SYN3: variants seen among roughly 807,000 people sequenced by gnomAD.
SYN3 encodes synapsin III, also known as synapsin-3.
In SYN3, 35 loss-of-function variants were observed where a neutral mutation model predicts 65.8. That is an observed-to-expected ratio of 0.53 (90% confidence interval 0.41 to 0.70). The LOEUF is 0.70. SYN3 is among the 30% of genes least tolerant of loss of function. The pLI is 0.00. For missense variants in SYN3, 680 were observed against 749.0 expected, an observed-to-expected ratio of 0.91 and a Z score of 1.08; for synonymous variants, 270 against 292.9, an observed-to-expected ratio of 0.92 and a Z score of 0.80.
intron 6 of SYN3, among the ~76,000 whole-genome samples, chr22:32,628,706 C>T (rs2059704573): frequency 6.6e-6 from 1 of 151,984 alleles, no homozygotes; most frequent in Non-Finnish European, 1.5e-5. Flanking sequence ...TGAGATCATG[C>T]CATCGCACTC....
chr22:32,586,056 A>G (rs1442902288), intron 7 of SYN3, among the ~76,000 whole-genome samples: 1 of 137,532 alleles, frequency 7.3e-6, no homozygotes, highest in African/African-American at 2.6e-5. Flanking sequence ...ATATATGTGT[A>G]TATGTATATA....
chr22:32,518,034 A>G lies in SYN3; in HGVS notation c.1610+9T>C. ...ATCCTATACCTTTTCCAATTCCCAA[A>G]GCACTTACTTGAGATGCGGATGGGG... On this transcript the variant is annotated intron_variant, in intron 13 of 13. Coordinates refer to ENST00000358763, the MANE Select transcript of SYN3 (RefSeq NM_003490.4). The G allele has an allele frequency of 6.6e-7, 1 of 1,511,804 alleles. No individual in the cohort carries two copies. The highest frequency in any genetic ancestry group is 8.8e-7 in the Non-Finnish European group (1 of 1,132,220). 93.6% of individuals were successfully genotyped at this position (1,511,804 alleles called of 1,614,324 possible). A position where few individuals can be genotyped will look rare whatever the true frequency, so the allele number is the denominator to read the frequency against.
At chr22:32,792,528 C>T (rs1180564239) in intron 6 of SYN3, among the ~76,000 whole-genome samples, 2 of 152,126 alleles carry the variant, frequency 1.3e-5, no homozygotes, top group Non-Finnish European at 2.9e-5. Flanking sequence ...GAGTATGCCA[C>T]CAGCTTGCCT....
chr22:32,528,651 A>G (rs1301903505), intron 11 of SYN3, among the ~76,000 whole-genome samples: 1 of 152,198 alleles, frequency 6.6e-6, no homozygotes, highest in Non-Finnish European at 1.5e-5. Context: ...TCTCCCCAGG[A>G]TGGTGAAGAA....
intron 3 of SYN3, among the ~76,000 whole-genome samples, chr22:32,946,653 C>T (rs532816367): frequency 2.6e-5 from 4 of 152,112 alleles, no homozygotes; most frequent in Non-Finnish European, 4.4e-5. Context: ...AACAAACCTG[C>T]ACGTTTTGCA....
At chr22:32,704,472 C>A (rs2060852806) in intron 6 of SYN3, among the ~76,000 whole-genome samples, 1 of 152,100 alleles carries the variant, frequency 6.6e-6, no homozygotes, top group South Asian at 2.1e-4. Flanking sequence ...CACTGATGGG[C>A]ATTTAGGTTG....
intron 7 of SYN3, among the ~76,000 whole-genome samples, chr22:32,579,936 G>A (rs1235811891): frequency 6.6e-6 from 1 of 152,244 alleles, no homozygotes; most frequent in African/African-American, 2.4e-5. Flanking sequence ...GAGTTACAGT[G>A]TGACCGTGAA....
chr22:32,622,781 G>A (rs1057473026), intron 6 of SYN3, among the ~76,000 whole-genome samples: 35 of 151,256 alleles, frequency 2.3e-4, no homozygotes, highest in Non-Finnish European at 4.6e-4. Context: ...GATTTTTGCA[G>A]GGAGAGGCTT....
At chr22:32,590,240 A>C (rs1007641417) in intron 7 of SYN3, among the ~76,000 whole-genome samples, 1 of 152,224 alleles carries the variant, frequency 6.6e-6, no homozygotes, top group African/African-American at 2.4e-5. Context: ...TATGTATATG[A>C]GTTAATGCTA....
rs187351998 is a variant in SYN3 at position 32,508,011 on chromosome 22, C to A, written c.*5681G>T. Among the ~76,000 whole-genome samples, 2 of 152,030 alleles carry A rather than the reference C, an allele frequency of 1.3e-5. No individual in the cohort carries two copies. Among genetic ancestry groups the A allele is most frequent in the African/African-American group, 4.8e-5 (2 of 41,374 alleles). Reference sequence around the variant, plus strand: ...CATACCACCCCCCAAAAATTTTCGTCGCCCCAACACTTCAACACTATTTTG... The same window carrying A: ...CATACCACCCCCCAAAAATTTTCGTAGCCCCAACACTTCAACACTATTTTG... On this transcript the variant is annotated 3_prime_UTR_variant, in exon 14 of 14. Transcript: ENST00000358763.
intron 1 of SYN3, among the ~76,000 whole-genome samples, chr22:33,022,766 A>G (rs2053581274): frequency 6.6e-6 from 1 of 152,074 alleles, no homozygotes; most frequent in East Asian, 1.9e-4. Flanking sequence ...ATTTGCAACC[A>G]CTCCCACAAA....
intron 6 of SYN3, among the ~76,000 whole-genome samples, chr22:32,672,108 C>T (rs1483982735): frequency 2.6e-5 from 4 of 152,174 alleles, no homozygotes; most frequent in Admixed American, 1.3e-4. Context: ...GCTCTTCCTC[C>T]CCCATCCATC....
intron 6 of SYN3, among the ~76,000 whole-genome samples, chr22:32,625,001 A>G (rs1319498858): frequency 2.0e-5 from 3 of 152,248 alleles, no homozygotes; most frequent in South Asian, 2.1e-4. Context: ...TTCAGAGACC[A>G]TGAAGACATT....
At chr22:32,638,288 C>T (rs756730938) in intron 6 of SYN3, among the ~76,000 whole-genome samples, 6 of 152,078 alleles carry the variant, frequency 3.9e-5, no homozygotes, top group Non-Finnish European at 7.4e-5. Context: ...TGAGTGCATG[C>T]GTCTTTTTGG....
At chr22:32,543,605 G>C (rs960340383) in intron 7 of SYN3, among the ~76,000 whole-genome samples, 14 of 152,294 alleles carry the variant, frequency 9.2e-5, no homozygotes, top group African/African-American at 3.4e-4. Flanking sequence ...GCGGTGGTGT[G>C]CCTCCTTCCT....
intron 4 of SYN3, among the ~76,000 whole-genome samples, chr22:32,881,753 G>T (rs1489156892): frequency 6.6e-6 from 1 of 152,064 alleles, no homozygotes; most frequent in Non-Finnish European, 1.5e-5. Context: ...TTAAAGGAAA[G>T]ATGTGAAAAA....
At chr22:32,668,727 A>G (rs967566693) in intron 6 of SYN3, among the ~76,000 whole-genome samples, 3 of 152,202 alleles carry the variant, frequency 2.0e-5, no homozygotes, top group East Asian at 1.9e-4. Flanking sequence ...CAGTGAGTCT[A>G]TCTGGGGATG....
In SYN3 at chr22:32,513,733, G is replaced by A. The variant is rs780180915; in HGVS notation, c.1702C>T (p.Arg568Cys). 1.3e-5 allele frequency: 21 copies of A among 1,614,092 alleles called. No individual in the cohort carries two copies. The highest frequency in any genetic ancestry group is 2.2e-5 in the East Asian group (1 of 44,888). ...CTGGCAAAAGACTTCCTCAGGTTGC[G>A]GATGGTTTCAGCCTTGGCCTCGTCT... ...SEDEAKAETI[R>C]NLRKSFASLF... The change falls in exon 14 of 14, where the codon CGC becomes TGC. Residue 568 changes from arginine (R) to cysteine (C), a missense_variant. By Grantham distance (180) the Arg-to-Cys change is radical. Coordinates refer to ENST00000358763, the MANE Select transcript of SYN3 (RefSeq NM_003490.4).
intron 6 of SYN3, among the ~76,000 whole-genome samples, chr22:32,721,438 C>G (rs965477271): frequency 6.6e-6 from 1 of 152,160 alleles, no homozygotes; most frequent in Non-Finnish European, 1.5e-5. Flanking sequence ...ATCCATCCAT[C>G]CATCCATCCA....
Sources: gnomAD v4.1 joint callset for allele counts (sites outside exome capture counted in the v4.1 genomes callset) on GRCh38, gnomAD v4.1.1 for gene constraint, MANE v1.5 for transcripts, NCBI Gene and HGNC (gene_info 2026-07-23, HGNC 2026-07-21) for gene names.